LAMP3: variants seen among roughly 807,000 people sequenced by gnomAD.
LAMP3 encodes lysosome-associated membrane glycoprotein 3.
A neutral mutation model predicts 34.8 loss-of-function variants in LAMP3; 26 were observed. The observed-to-expected ratio is 0.75, with a 90% CI of 0.55 to 1.04. The LOEUF is 1.04. Among genes scored for constraint, LAMP3 ranks in the 50% least tolerant of loss-of-function variants. The probability of loss-of-function intolerance (pLI) is 0.00; values close to 1 mark genes in which losing one functional copy is unlikely to be tolerated. For missense variants in LAMP3, 495 were observed against 524.0 expected (o/e 0.94, Z 0.54); for synonymous variants, 180 against 201.9 (o/e 0.89, Z 0.92).
chr3:183,149,559 AAAAAAAAAAAAAAAAATAT>A (rs1311802878), intron 3 of LAMP3, among the ~76,000 whole-genome samples: 1 of 27,190 alleles, frequency 3.7e-5, no homozygotes, highest in Non-Finnish European at 8.5e-5. Context: ...AAAAAAAAAA[AAAAAAAAAAAAAAAAATAT>A]ATATATATAT....
At position 183,124,157 on chromosome 3, in the gene LAMP3, A is replaced by G; in HGVS notation, c.1175T>C (p.Val392Ala). The change falls in exon 6 of 6, where the codon GTT becomes GCT. Residue 392 changes from valine to alanine, a missense_variant. Coordinates refer to ENST00000265598, the MANE Select transcript of LAMP3 (RefSeq NM_014398.4). The stretch of plus-strand genomic sequence containing the variant: ...ACCCATACCCATAAGGCAGAGACCA[A>G]CCACGATGGCCCCAATCACAGGAAG... ...IVLPVIGAIV[V>A]GLCLMGMGVY... 1 of 1,611,468 alleles carries G rather than the reference A, an allele frequency of 6.2e-7. No individual in the cohort carries two copies. Among genetic ancestry groups the G allele is most frequent in the Non-Finnish European group, 8.5e-7 (1 of 1,179,246 alleles).
chr3:183,125,481 G>A (rs1314629482), intron 5 of LAMP3, among the ~76,000 whole-genome samples: 1 of 152,222 alleles, frequency 6.6e-6, no homozygotes, highest in Non-Finnish European at 1.5e-5. Flanking sequence ...CTATAATAAT[G>A]TGTGCCTTAA....
chr3:183,140,410 C>CAAAAA (rs58229572), intron 4 of LAMP3, 128 bp downstream of exon 4: 7 of 194,500 alleles, frequency 3.6e-5, no homozygotes, highest in African/African-American at 1.5e-4. Flanking sequence ...GACTCCATCT[C>CAAAAA]AAAAAAAAAA....
chr3:183,134,374 G>C (rs1720019792), intron 5 of LAMP3, among the ~76,000 whole-genome samples: 1 of 152,136 alleles, frequency 6.6e-6, no homozygotes, highest in Admixed American at 6.5e-5. Context: ...TGTGAACACT[G>C]GCGTGCACTG....
upstream of LAMP3, among the ~76,000 whole-genome samples, chr3:183,163,158 A>T (rs1273489767): frequency 6.7e-6 from 1 of 149,686 alleles, no homozygotes; most frequent in African/African-American, 2.5e-5. Context: ...GGGTGTCACC[A>T]TATTGGCCAG....
At chr3:183,146,854 A>T (rs959600937) in intron 3 of LAMP3, among the ~76,000 whole-genome samples, 1 of 151,846 alleles carries the variant, frequency 6.6e-6, no homozygotes, top group African/African-American at 2.4e-5. Flanking sequence ...TGTGTTGCCA[A>T]CATTAAAAAA....
upstream of LAMP3, chr3:183,163,539 C>A (rs1256366798): frequency 6.6e-6 from 1 of 152,450 alleles, no homozygotes; most frequent in Non-Finnish European, 1.5e-5. Flanking sequence ...CCGCCCGCCT[C>A]GGCCTCCCAA....
rs935618078 is a variant in LAMP3, at chr3:183,123,375, A to G, written c.*706T>C. ...AGAGTTCAAGACCAGTCTGGCCAAC[A>G]TGGTGAAACCCCGTCTATAATAAAA... On this transcript the variant is annotated 3_prime_UTR_variant, in exon 6 of 6. Transcript: ENST00000265598. 2.4e-4 allele frequency: 36 copies of G among 152,404 alleles called. No individual in the cohort carries two copies. Among genetic ancestry groups the G allele is most frequent in the African/African-American group, 7.7e-4 (32 of 41,560 alleles). 9.4% of individuals were successfully genotyped at this position (152,404 alleles called of 1,614,324 possible). A position where few individuals can be genotyped will look rare whatever the true frequency, so the allele number is the denominator to read the frequency against.
At chr3:183,150,449 C>T (rs983595763) in intron 3 of LAMP3, among the ~76,000 whole-genome samples, 5 of 151,968 alleles carry the variant, frequency 3.3e-5, no homozygotes, top group Admixed American at 2.6e-4. Context: ...TGATGCCTTC[C>T]ATTAGTCAAT....
intron 1 of LAMP3, among the ~76,000 whole-genome samples, 172 bp from the exon 2 acceptor site, chr3:183,154,563 C>A (rs1293308515): frequency 6.6e-6 from 1 of 152,064 alleles, no homozygotes; most frequent in Non-Finnish European, 1.5e-5. Context: ...AAGATTCTAC[C>A]CCCAGGACAC....
intron 4 of LAMP3, among the ~76,000 whole-genome samples, chr3:183,138,774 G>A (rs1720179678): frequency 6.6e-6 from 1 of 152,068 alleles, no homozygotes. Context: ...CCTGACCCTT[G>A]CCTTGCCACT....
chr3:183,157,907 A>G (rs935375150), intron 1 of LAMP3, among the ~76,000 whole-genome samples: 1 of 152,098 alleles, frequency 6.6e-6, no homozygotes, highest in Non-Finnish European at 1.5e-5. Context: ...TGTGCTTCCT[A>G]TGTAGGAAGC....
chr3:183,133,040 G>C, intron 5 of LAMP3: 1 of 614,926 alleles, frequency 1.6e-6, no homozygotes, highest in Non-Finnish European at 2.0e-6. Context: ...CTCAGCTTTG[G>C]AGAAAAGAAG....
chr3:183,145,738 T>G (rs1465858660), intron 3 of LAMP3, among the ~76,000 whole-genome samples: 1 of 152,024 alleles, frequency 6.6e-6, no homozygotes, highest in East Asian at 1.9e-4. Context: ...ACACCTGTAA[T>G]CCCAGCTACT....
chr3:183,152,454 G>C lies in LAMP3; in HGVS notation c.809C>G (p.Ala270Gly), dbSNP rs1576885548. The C allele has an allele frequency of 1.2e-6, 2 of 1,613,166 alleles. No homozygotes were observed. Among genetic ancestry groups the C allele is most frequent in the East Asian group, 4.5e-5 (2 of 44,770 alleles). ...TTTTCGGGTGCCACAGTTCCCAGAG[G>C]CTTGCGTTGCGTTGGGGTCGATGTT... ...YFNIDPNATQ[A>G]SGNCGTRKSN... The change falls in exon 3 of 6, where the codon GCC (alanine) becomes GGC (glycine). Residue 270 changes from alanine to glycine, a missense_variant. By Grantham distance (60) the Ala-to-Gly change is moderately conservative (BLOSUM62 0). Coordinates refer to ENST00000265598, the MANE Select transcript of LAMP3 (RefSeq NM_014398.4).
intron 5 of LAMP3, among the ~76,000 whole-genome samples, chr3:183,126,918 C>G (rs1446778243): frequency 6.6e-6 from 1 of 152,106 alleles, no homozygotes; most frequent in Non-Finnish European, 1.5e-5. Context: ...ACCAATGTTT[C>G]TTTGTCATGG....
intron 3 of LAMP3, among the ~76,000 whole-genome samples, chr3:183,151,290 G>GC (rs1238718270): frequency 1.3e-5 from 2 of 152,214 alleles, no homozygotes; most frequent in East Asian, 3.8e-4. Context: ...TCTGAGGCAA[G>GC]CGGGGGCAAG....
chr3:183,144,716 C>T (rs559892658), intron 3 of LAMP3, among the ~76,000 whole-genome samples: 71 of 152,148 alleles, frequency 4.7e-4, no homozygotes, highest in Non-Finnish European at 9.6e-4. Flanking sequence ...CCAGTTTGAG[C>T]AACATAATGA....
rs1211360576 is a variant in LAMP3 at position 183,124,158 on chromosome 3, C to A, written c.1174G>T (p.Val392Phe). 4.3e-6 allele frequency: 7 copies of A among 1,610,322 alleles called. No individual in the cohort carries two copies. In the Admixed American group the frequency reaches 5.1e-5, roughly 12 times the overall value. The change falls in exon 6 of 6, where the codon GTT (valine) becomes TTT (phenylalanine). Residue 392 changes from valine to phenylalanine, a missense_variant. Coordinates refer to ENST00000265598, the MANE Select transcript of LAMP3 (RefSeq NM_014398.4). ...CCCATACCCATAAGGCAGAGACCAA[C>A]CACGATGGCCCCAATCACAGGAAGC... Reference protein sequence around the residue: ...IVLPVIGAIVVGLCLMGMGVY... With the variant: ...IVLPVIGAIVFGLCLMGMGVY...
Sources: allele counts gnomAD v4.1 joint callset (sites outside exome capture counted in the v4.1 genomes callset), GRCh38; gene constraint gnomAD v4.1.1; transcripts MANE v1.5; gene names NCBI Gene and HGNC (gene_info 2026-07-23, HGNC 2026-07-21).